Variants in SH2D4A observed in about 807,000 individuals in gnomAD.
The protein encoded by SH2D4A is SH2 domain containing 4A, also known as SH2 domain-containing protein 4A.
Under a neutral mutation model 64.7 loss-of-function variants are expected in SH2D4A, and 70 were observed. The observed-to-expected ratio is 1.08, with a 90% confidence interval of 0.89 to 1.32. SH2D4A has a LOEUF of 1.32. Ranked by LOEUF, SH2D4A falls within the 40% of genes most tolerant of loss-of-function variation. The probability of loss-of-function intolerance (pLI) is 0.00; values close to 1 mark genes in which losing one functional copy is unlikely to be tolerated. For missense variants in SH2D4A, 706 were observed against 540.1 expected (o/e 1.31, Z -3.04); for synonymous variants, 268 against 200.7 (o/e 1.34, Z -2.83).
intron 2 of SH2D4A, among the ~76,000 whole-genome samples, chr8:19,324,085 A>G (rs1379786758): frequency 1.3e-5 from 2 of 152,210 alleles, no homozygotes; most frequent in Non-Finnish European, 2.9e-5. Context: ...AGTGACTTTT[A>G]TGTGAAGGCG....
At chr8:19,368,793 G>C (rs1326678341) in intron 7 of SH2D4A, among the ~76,000 whole-genome samples, 1 of 151,914 alleles carries the variant, frequency 6.6e-6, no homozygotes, top group Non-Finnish European at 1.5e-5. Flanking sequence ...GACAATTTGA[G>C]TTCCTCTTTT....
intron 8 of SH2D4A, among the ~76,000 whole-genome samples, chr8:19,390,919 A>C (rs369207274): frequency 3.5e-4 from 53 of 152,290 alleles, no homozygotes; most frequent in African/African-American, 1.2e-3. Context: ...GAATAGCTTT[A>C]ATTTTAGGAA....
At chr8:19,388,237 C>G (rs1455064759) in intron 8 of SH2D4A, among the ~76,000 whole-genome samples, 1 of 152,232 alleles carries the variant, frequency 6.6e-6, no homozygotes, top group Non-Finnish European at 1.5e-5. Context: ...GTGTCATTTG[C>G]TAATCCTGCA....
In SH2D4A at chr8:19,319,592, A is replaced by C. The variant is rs2280444; in HGVS notation, c.45A>C (p.Leu15=). 6.2e-7 allele frequency: 1 copy of C among 1,603,304 alleles called. No homozygotes were observed. The highest frequency in any genetic ancestry group is 8.5e-7 in the Non-Finnish European group (1 of 1,175,744). The change falls in exon 2 of 10, where the codon CTA becomes CTC. Residue 15 remains leucine (L), a synonymous_variant. Coordinates refer to ENST00000265807, the MANE Select transcript of SH2D4A (RefSeq NM_022071.4). ...CGGAGATGTACATAGATCCTGATCT[A>C]CTGGCAGAGCTCAGCGAAGAACAGA... The part of the protein sequence containing the change: ...ILSEMYIDPD[L]LAELSEEQKQ...
At chr8:19,338,155 G>T (rs1585157265) in intron 4 of SH2D4A, among the ~76,000 whole-genome samples, 1 of 152,148 alleles carries the variant, frequency 6.6e-6, no homozygotes, top group Non-Finnish European at 1.5e-5. Flanking sequence ...TCTCAGAAAT[G>T]TTTCATTATG....
chr8:19,376,525 G>C (rs984243732), intron 8 of SH2D4A, among the ~76,000 whole-genome samples: 12 of 152,150 alleles, frequency 7.9e-5, no homozygotes, highest in Non-Finnish European at 4.4e-5. Flanking sequence ...GGGAGGCTGA[G>C]GCAGGAGAAT....
chr8:19,392,299 A>G (rs1482615206), intron 8 of SH2D4A, among the ~76,000 whole-genome samples: 2 of 152,202 alleles, frequency 1.3e-5, no homozygotes, highest in African/African-American at 2.4e-5. Context: ...GGTACTTTAT[A>G]GAACTGAGTA....
chr8:19,373,522 A>G lies in SH2D4A; in HGVS notation c.918-8A>G, dbSNP rs1329324031. 6.4e-7 allele frequency: 1 copy of G among 1,565,988 alleles called. No homozygotes were observed. Among genetic ancestry groups the G allele is most frequent in the Non-Finnish European group, 8.6e-7 (1 of 1,156,910 alleles). On this transcript the variant is annotated splice_region_variant and splice_polypyrimidine_tract_variant and intron_variant, in intron 7 of 9. Transcript: ENST00000265807. ...AAATCTAACTTGAAAAACTTTTATA[A>G]ATAACAGAAATCAGGGAGTGGTGAG...
At chr8:19,314,114 G>A (rs1442775677) in intron 1 of SH2D4A, 7 of 1,138,752 alleles carry the variant, frequency 6.1e-6, no homozygotes, top group Non-Finnish European at 6.5e-6. Context: ...GGGGCTTGCA[G>A]GGGGTGGCGG....
intron 4 of SH2D4A, among the ~76,000 whole-genome samples, chr8:19,339,750 C>G (rs2052498184): frequency 6.6e-6 from 1 of 152,118 alleles, no homozygotes; most frequent in Admixed American, 6.5e-5. Flanking sequence ...ATCCTCCCAC[C>G]TCAGCCACCC....
intron 8 of SH2D4A, among the ~76,000 whole-genome samples, chr8:19,381,945 A>T (rs2053300278): frequency 3.3e-5 from 5 of 151,732 alleles, no homozygotes; most frequent in Admixed American, 3.3e-4. Flanking sequence ...TGTTACATTG[A>T]TCGATTTTCA....
intron 8 of SH2D4A, among the ~76,000 whole-genome samples, chr8:19,381,418 G>C (rs1013712845): frequency 7.9e-5 from 12 of 152,056 alleles, no homozygotes; most frequent in African/African-American, 2.2e-4. Flanking sequence ...TATTCTTTTT[G>C]ATGATAATGT....
intron 4 of SH2D4A, among the ~76,000 whole-genome samples, chr8:19,349,423 A>C (rs750462771): frequency 1.3e-5 from 2 of 152,248 alleles, no homozygotes; most frequent in East Asian, 3.8e-4. Context: ...GATTGATAGA[A>C]ATTAGAAAAG....
intron 2 of SH2D4A, among the ~76,000 whole-genome samples, chr8:19,329,597 A>G (rs779968822): frequency 6.6e-6 from 1 of 152,028 alleles, no homozygotes; most frequent in Non-Finnish European, 1.5e-5. Context: ...CCCCACCCAA[A>G]TCTCATCTTG....
At chr8:19,379,101 A>G (rs891897198) in intron 8 of SH2D4A, among the ~76,000 whole-genome samples, 4 of 151,062 alleles carry the variant, frequency 2.6e-5, no homozygotes, top group African/African-American at 9.7e-5. Context: ...AAATTTCTAC[A>G]GCTATTACCA....
At position 19,353,674 on chromosome 8, in the gene SH2D4A, G is replaced by GTTTTTTT. The variant is rs55989081; in HGVS notation, c.514-3514_514-3508dup. On this transcript the variant is annotated intron_variant, in intron 4 of 9. Coordinates refer to ENST00000265807, the MANE Select transcript of SH2D4A (RefSeq NM_022071.4). ...GAGCCACCACACCTGGCCTCTAGCT[G>GTTTTTTT]TTTTTTTTTTTTTTTTTTTTTAATA... Among the ~76,000 whole-genome samples the GTTTTTTT allele has an allele frequency of 7.0e-4, 74 of 105,168 alleles. 2 individuals are homozygous for GTTTTTTT. The highest frequency in any genetic ancestry group is 4.6e-3 in the South Asian group (13 of 2,812). The allele number at this position is 105,168 out of a possible 152,430, so 69.0% of individuals were successfully genotyped here.
At chr8:19,383,347 G>A (rs1004640631) in intron 8 of SH2D4A, among the ~76,000 whole-genome samples, 6 of 149,414 alleles carry the variant, frequency 4.0e-5, no homozygotes, top group African/African-American at 1.5e-4. Flanking sequence ...TTCCTCTAGT[G>A]AATTTTTCAT....
chr8:19,326,921 G>A (rs1047722340), intron 2 of SH2D4A, among the ~76,000 whole-genome samples: 2 of 152,146 alleles, frequency 1.3e-5, no homozygotes, highest in Admixed American at 6.5e-5. Context: ...CCATCACCTG[G>A]GAATAAATCC....
chr8:19,357,392 A>T lies in SH2D4A; in HGVS notation c.594+109A>T, dbSNP rs10503655. On this transcript the variant is annotated intron_variant, in intron 5 of 9. Coordinates refer to ENST00000265807, the MANE Select transcript of SH2D4A (RefSeq NM_022071.4). ...TGCAGAAATGAAATTAAGCAGCAGGATGGGAAATCTGTCCTAAAAGCTGCA... is the reference window on the plus strand; with the variant it reads ...TGCAGAAATGAAATTAAGCAGCAGGTTGGGAAATCTGTCCTAAAAGCTGCA... 6,073 of 838,360 alleles carry T rather than the reference A, an allele frequency of 7.2e-3. 270 individuals carry two copies. In the African/African-American group the frequency reaches 0.091, roughly 13 times the overall value. The allele number at this position is 838,360 out of a possible 1,614,324, so 51.9% of individuals were successfully genotyped here.
Sources: gnomAD v4.1 joint callset for allele counts (sites outside exome capture counted in the v4.1 genomes callset) on GRCh38, gnomAD v4.1.1 for gene constraint, MANE v1.5 for transcripts, NCBI Gene and HGNC (gene_info 2026-07-23, HGNC 2026-07-21) for gene names.